BPGM: variants seen among roughly 807,000 people sequenced by gnomAD.
BPGM encodes bisphosphoglycerate mutase, also known as 2,3-bisphosphoglycerate mutase, erythrocyte.
BPGM carries 15 observed loss-of-function variants against 21.6 expected under a neutral mutation model. The observed-to-expected ratio is 0.70, with a 90% confidence interval of 0.47 to 1.07. The LOEUF (loss-of-function observed/expected upper bound fraction) is 1.07. Ranked by LOEUF, BPGM falls within the 50% of genes least tolerant of loss-of-function variation. The pLI, the probability that BPGM is intolerant of heterozygous loss-of-function variation, is 0.00. For synonymous variants in BPGM, 113 were observed against 116.2 expected (o/e 0.97, Z 0.18); for missense variants, 273 against 319.0 (o/e 0.86, Z 1.10).
chr7:134,674,714 T>A (rs1322276494), intron 2 of BPGM, among the ~76,000 whole-genome samples: 1 of 152,246 alleles, frequency 6.6e-6, no homozygotes, highest in East Asian at 1.9e-4. Flanking sequence ...TGAGTAATGC[T>A]GCTATGAAGG....
intron 2 of BPGM, among the ~76,000 whole-genome samples, chr7:134,670,993 A>T (rs1238457492): frequency 2.0e-5 from 3 of 152,170 alleles, no homozygotes; most frequent in Non-Finnish European, 1.5e-5. Flanking sequence ...TGTTTATTTT[A>T]TTGGCACTAG....
intron 1 of BPGM, among the ~76,000 whole-genome samples, chr7:134,660,949 A>G (rs1345808069): frequency 1.3e-5 from 2 of 152,242 alleles, no homozygotes; most frequent in Non-Finnish European, 2.9e-5. Context: ...GCAGTGGTGC[A>G]TTGAAATAAC....
rs149217177 is a variant in BPGM, at chr7:134,666,668, G to T, written c.601+4560G>T. On this transcript the variant is annotated intron_variant, in intron 2 of 2. Transcript: ENST00000344924. ...ACTAATGGAGTTCTTAGATGTTGCTGTAGTTCTCTACTGTGACTTAACTCC... is the reference window on the plus strand; with the variant it reads ...ACTAATGGAGTTCTTAGATGTTGCTTTAGTTCTCTACTGTGACTTAACTCC... Among the ~76,000 whole-genome samples the T allele has an allele frequency of 4.6e-4, 70 of 152,282 alleles. 1 individual carries two copies. The East Asian group carries it at 0.012, about 26-fold the overall frequency.
chr7:134,649,531 G>GA (rs1246190846), intron 1 of BPGM, among the ~76,000 whole-genome samples: 8 of 114,940 alleles, frequency 7.0e-5, no homozygotes, highest in African/African-American at 1.3e-4. Context: ...TGTTTGAACC[G>GA]AATGGTTTCT....
intron 2 of BPGM, among the ~76,000 whole-genome samples, chr7:134,674,763 T>A (rs2131461957): frequency 6.6e-6 from 1 of 152,354 alleles, no homozygotes; most frequent in African/African-American, 2.4e-5. Context: ...ATTTCACTTC[T>A]CTTGGGTATA....
chr7:134,669,947 G>A (rs1795878808), intron 2 of BPGM, among the ~76,000 whole-genome samples: 1 of 151,950 alleles, frequency 6.6e-6, no homozygotes, highest in South Asian at 2.1e-4. Flanking sequence ...AACATCTAAC[G>A]CAGACCTAAG....
At chr7:134,673,280 T>C (rs956079197) in intron 2 of BPGM, among the ~76,000 whole-genome samples, 5 of 152,226 alleles carry the variant, frequency 3.3e-5, no homozygotes, top group Admixed American at 3.3e-4. Flanking sequence ...TTGTAAGTAA[T>C]TAGTCTGCTG....
At chr7:134,652,313 T>G (rs1795568636) in intron 1 of BPGM, among the ~76,000 whole-genome samples, 1 of 152,166 alleles carries the variant, frequency 6.6e-6, no homozygotes, top group South Asian at 2.1e-4. Flanking sequence ...GCCTATACCG[T>G]TTTTTAAAAA....
At chr7:134,670,467 T>G (rs1162618259) in intron 2 of BPGM, among the ~76,000 whole-genome samples, 1 of 152,216 alleles carries the variant, frequency 6.6e-6, no homozygotes, top group African/African-American at 2.4e-5. Flanking sequence ...CCTTTATTTT[T>G]TAAACATTAT....
intron 2 of BPGM, among the ~76,000 whole-genome samples, chr7:134,674,263 C>T (rs1350471769): frequency 6.6e-6 from 1 of 152,144 alleles, no homozygotes; most frequent in Non-Finnish European, 1.5e-5. Context: ...ACATACTATG[C>T]AATTCGCCAT....
chr7:134,679,357 A>T lies in BPGM; in HGVS notation c.*326A>T. ...AGTTAAAGGTATTTATCATTCAAGAAATCATTATTGAGTCACCATTGACAG... is the reference window on the plus strand; with the variant it reads ...AGTTAAAGGTATTTATCATTCAAGATATCATTATTGAGTCACCATTGACAG... On this transcript the variant is annotated 3_prime_UTR_variant, in exon 3 of 3. Coordinates refer to ENST00000344924, the MANE Select transcript of BPGM (RefSeq NM_001724.5). 3.1e-6 allele frequency: 1 copy of T among 321,952 alleles called. No individual in the cohort carries two copies. Among genetic ancestry groups the T allele is most frequent in the Non-Finnish European group, 5.9e-6 (1 of 170,438 alleles). The allele number at this position is 321,952 out of a possible 1,614,324, so 19.9% of individuals were successfully genotyped here.
Position 134,661,227 on chromosome 7 carries a change from C to T in BPGM, c.-61-220C>T, listed in dbSNP as rs1795725243. On this transcript the variant is annotated intron_variant, in intron 1 of 2. Transcript: ENST00000344924. This position sits in a 1 kb window ranked among gnomAD's most constrained non-coding sequence, Gnocchi z 4.6. ...TATTTTATGTCATGCAATTAACATG[C>T]TATCCAAACATCAGAAAATTTAAGT... 6.6e-6 allele frequency among the ~76,000 whole-genome samples: 1 copy of T among 152,196 alleles called. No individual in the cohort carries two copies. The highest frequency in any genetic ancestry group is 2.1e-4 in the South Asian group (1 of 4,824).
chr7:134,667,268 C>A (rs2131444864), intron 2 of BPGM, among the ~76,000 whole-genome samples: 1 of 152,252 alleles, frequency 6.6e-6, no homozygotes, highest in East Asian at 1.9e-4. Context: ...ATCTTAATTG[C>A]CAATTTATGC....
chr7:134,667,366 T>G (rs913434844), intron 2 of BPGM, among the ~76,000 whole-genome samples: 1 of 152,182 alleles, frequency 6.6e-6, no homozygotes, highest in Non-Finnish European at 1.5e-5. Context: ...CTCCTTTTAC[T>G]TTCAAAAGTG....
chr7:134,658,213 A>G (rs1440763622), intron 1 of BPGM: 13 of 151,664 alleles, frequency 8.6e-5, no homozygotes, highest in Admixed American at 1.3e-4. Context: ...AATTTTTAGG[A>G]GGTTTTGAAA....
Position 134,659,372 on chromosome 7 carries a change from C to CGTGTGT in BPGM, c.-61-2040_-61-2035dup, listed in dbSNP as rs66893203. Among the ~76,000 whole-genome samples the CGTGTGT allele has an allele frequency of 8.4e-3, 1,215 of 145,364 alleles. 12 individuals carry two copies. Among genetic ancestry groups the CGTGTGT allele is most frequent in the East Asian group, 0.021 (102 of 4,766 alleles). ...ATTAACACACTTACACACACCCCTCCGTGTGTGTGTGTGTGTGTGTGTGTG... is the reference window on the plus strand; with the variant it reads ...ATTAACACACTTACACACACCCCTCCGTGTGTGTGTGTGTGTGTGTGTGTGTGTGTG... On this transcript the variant is annotated intron_variant, in intron 1 of 2. Coordinates refer to ENST00000344924, the MANE Select transcript of BPGM (RefSeq NM_001724.5).
At position 134,661,866 on chromosome 7, in the gene BPGM, A is replaced by G. The variant is rs2131432372; in HGVS notation, c.359A>G (p.Asn120Ser). Reference protein sequence around the residue: ...EQVRLWRRSYNVTPPPIEESH... With the variant: ...EQVRLWRRSYSVTPPPIEESH... The stretch of plus-strand genomic sequence containing the variant: ...GTGAGGCTCTGGAGAAGAAGCTACA[A>G]TGTAACCCCGCCTCCCATTGAGGAG... The change falls in exon 2 of 3, where the codon AAT (asparagine) becomes AGT (serine). Residue 120 changes from asparagine to serine, a missense_variant. Physicochemically the swap from Asn to Ser is conservative, Grantham distance 46. Coordinates refer to ENST00000344924, the MANE Select transcript of BPGM (RefSeq NM_001724.5). The surrounding 1 kb of genome is among the most constrained non-coding windows in gnomAD (Gnocchi z 4.6). 1 of 1,608,106 alleles carries G rather than the reference A, an allele frequency of 6.2e-7. No individual in the cohort carries two copies. Among genetic ancestry groups the G allele is most frequent in the South Asian group, 1.1e-5 (1 of 90,560 alleles).
chr7:134,673,694 C>T (rs1795941698), intron 2 of BPGM, among the ~76,000 whole-genome samples: 1 of 152,116 alleles, frequency 6.6e-6, no homozygotes, highest in Admixed American at 6.5e-5. Context: ...CAGCAGATGT[C>T]CATTTAGGAC....
At chr7:134,650,197 C>T (rs966156889) in intron 1 of BPGM, among the ~76,000 whole-genome samples, 1 of 152,176 alleles carries the variant, frequency 6.6e-6, no homozygotes, top group Admixed American at 6.5e-5. Context: ...AAAGCTACTA[C>T]CCTGGGGAAG....
Sources: gnomAD v4.1 joint callset for allele counts (sites outside exome capture counted in the v4.1 genomes callset) on GRCh38, gnomAD v4.1.1 for gene constraint, Gnocchi (gnomAD v3.1) non-coding constraint, MANE v1.5 for transcripts, NCBI Gene and HGNC (gene_info 2026-07-23, HGNC 2026-07-21) for gene names.